The following SLC15A5 variants were observed in gnomAD, a reference collection of about 807,000 sequenced individuals.
The protein encoded by SLC15A5 is solute carrier family 15 member 5, also known as Peptide/histidine transporter ENSP00000340402.
Under a neutral mutation model 56.1 loss-of-function variants are expected in SLC15A5, and 58 were observed. The observed-to-expected ratio is 1.03, with a 90% CI of 0.84 to 1.29. The LOEUF (loss-of-function observed/expected upper bound fraction) is 1.29. Among genes scored for constraint, SLC15A5 ranks in the 50% most tolerant of loss-of-function variants. SLC15A5 has a pLI of 0.00. For synonymous variants in SLC15A5, 264 were observed against 250.5 expected, an observed-to-expected ratio of 1.05 and a Z score of -0.51; for missense variants, 681 against 672.1, an observed-to-expected ratio of 1.01 and a Z score of -0.15.
intron 7 of SLC15A5, among the ~76,000 whole-genome samples, chr12:16,210,998 C>T (rs1181392343): frequency 6.6e-6 from 1 of 152,176 alleles, no homozygotes; most frequent in Non-Finnish European, 1.5e-5. Flanking sequence ...GTTATTGGGG[C>T]CCTGCTGACT....
At chr12:16,265,912 G>A (rs1864690421) in intron 2 of SLC15A5, among the ~76,000 whole-genome samples, 1 of 152,064 alleles carries the variant, frequency 6.6e-6, no homozygotes, top group Admixed American at 6.6e-5. Flanking sequence ...ATCTCCATGA[G>A]ACCTAGCACA....
At chr12:16,202,167 A>C (rs1168945884) in intron 7 of SLC15A5, among the ~76,000 whole-genome samples, 1 of 152,182 alleles carries the variant, frequency 6.6e-6, no homozygotes, top group Admixed American at 6.5e-5. Context: ...GAGATAACCC[A>C]CAGATTGGGA....
chr12:16,260,236 T>C (rs971275116), intron 2 of SLC15A5, among the ~76,000 whole-genome samples: 1 of 152,138 alleles, frequency 6.6e-6, no homozygotes, highest in Non-Finnish European at 1.5e-5. Flanking sequence ...ACACCTCGGC[T>C]CTTACCCATC....
chr12:16,239,928 C>A, intron 4 of SLC15A5, 61 bp from the exon 5 acceptor site: 1 of 1,434,280 alleles, frequency 7.0e-7, no homozygotes, highest in Non-Finnish European at 9.3e-7. Context: ...AAGAAAGCAT[C>A]GTCCACCAGA....
At chr12:16,205,580 CATAT>C (rs754136034) in intron 7 of SLC15A5, among the ~76,000 whole-genome samples, 2 of 43,128 alleles carry the variant, frequency 4.6e-5, no homozygotes, top group Non-Finnish European at 8.1e-5. Flanking sequence ...GGGAAAGGTG[CATAT>C]ATATATACAT....
intron 1 of SLC15A5, among the ~76,000 whole-genome samples, chr12:16,275,886 A>G (rs149297284): frequency 6.6e-6 from 1 of 152,058 alleles, no homozygotes; most frequent in East Asian, 1.9e-4. Context: ...ATTTGCTTAA[A>G]TGTCTTCTTA....
rs1863820374 is a variant in SLC15A5, at chr12:16,189,566, C to T, written c.*102G>A. The T allele has an allele frequency of 1.0e-6, 1 of 981,134 alleles. No individual in the cohort carries two copies. The highest frequency in any genetic ancestry group is 1.4e-6 in the Non-Finnish European group (1 of 734,384). 60.8% of individuals were successfully genotyped at this position (981,134 alleles called of 1,614,324 possible). A position where few individuals can be genotyped will look rare whatever the true frequency, so the allele number is the denominator to read the frequency against. On this transcript the variant is annotated 3_prime_UTR_variant, in exon 9 of 9. Coordinates refer to ENST00000344941, the MANE Select transcript of SLC15A5 (RefSeq NM_001170798.1). ...ATACAGATGATATTTGTAAAATCAC[C>T]TCTGTATATATTGGCTTTTACACTA...
chr12:16,225,214 A>G (rs1864229192), intron 5 of SLC15A5, among the ~76,000 whole-genome samples: 1 of 152,218 alleles, frequency 6.6e-6, no homozygotes, highest in African/African-American at 2.4e-5. Context: ...TTATAGCAGC[A>G]TGATTTATAT....
chr12:16,266,521 A>G (rs1376449983), intron 2 of SLC15A5, among the ~76,000 whole-genome samples: 1 of 152,196 alleles, frequency 6.6e-6, no homozygotes, highest in Non-Finnish European at 1.5e-5. Flanking sequence ...ATTTTAACAA[A>G]TGCCACCCAA....
rs75214240 is a variant in SLC15A5 at position 16,218,528 on chromosome 12, C to G, written c.1352-1504G>C. Among the ~76,000 whole-genome samples the G allele has an allele frequency of 7.2e-5, 11 of 152,260 alleles. No individual in the cohort carries two copies. In the East Asian group the frequency reaches 2.1e-3, roughly 29 times the overall value. Reference sequence around the variant, plus strand: ...CTATATGGTCTAGCCTACTACACACCTAGGCTATATGGGTAGCCCATCACT... The same window carrying G: ...CTATATGGTCTAGCCTACTACACACGTAGGCTATATGGGTAGCCCATCACT... On this transcript the variant is annotated intron_variant, in intron 6 of 8. Transcript: ENST00000344941.
At chr12:16,201,351 G>A (rs185507280) in intron 7 of SLC15A5, among the ~76,000 whole-genome samples, 1 of 152,212 alleles carries the variant, frequency 6.6e-6, no homozygotes, top group East Asian at 1.9e-4. Flanking sequence ...ATACTACAAA[G>A]CTATAGTATC....
chr12:16,235,050 G>A lies in SLC15A5; in HGVS notation c.1162+4631C>T, dbSNP rs1471762984. ...TCCCAGGATAGGAAATTTGCTCAGT[G>A]TTAATATATCATTCAGTGTTCATGA... On this transcript the variant is annotated intron_variant, in intron 5 of 8. Transcript: ENST00000344941. The surrounding 1 kb of genome is among the most constrained non-coding windows in gnomAD (Gnocchi z 4.1). 6.6e-6 allele frequency among the ~76,000 whole-genome samples: 1 copy of A among 151,894 alleles called. No homozygotes were observed. The highest frequency in any genetic ancestry group is 6.6e-5 in the Admixed American group (1 of 15,232).
At chr12:16,244,543 T>C in intron 4 of SLC15A5, 37 bp downstream of exon 4, 1 of 1,509,920 alleles carries the variant, frequency 6.6e-7, no homozygotes, top group Non-Finnish European at 8.9e-7. Context: ...GCAATCACTT[T>C]CCTGTTGTTG....
intron 2 of SLC15A5, among the ~76,000 whole-genome samples, chr12:16,270,458 A>G (rs1250194580): frequency 6.6e-6 from 1 of 152,120 alleles, no homozygotes. Context: ...ACATTAATAA[A>G]CTGCTCCTTT....
intron 1 of SLC15A5, among the ~76,000 whole-genome samples, chr12:16,276,470 G>C (rs1014373140): frequency 6.6e-6 from 1 of 151,858 alleles, no homozygotes; most frequent in African/African-American, 2.4e-5. Context: ...CTTTTCACTT[G>C]TTCTCTCCTG....
rs912660979 is a variant in SLC15A5, at chr12:16,271,295, C to T, written c.584+1266G>A. On this transcript the variant is annotated intron_variant, in intron 2 of 8. Transcript: ENST00000344941. This position sits in a 1 kb window ranked among gnomAD's most constrained non-coding sequence, Gnocchi z 8.0. Reference sequence around the variant, plus strand: ...CCACAGTACAATAAATTCTCCAGAGCTATCTTTCAGAACAACTGATTGCTC... The same window carrying T: ...CCACAGTACAATAAATTCTCCAGAGTTATCTTTCAGAACAACTGATTGCTC... Among the ~76,000 whole-genome samples, 1 of 152,170 alleles carries T rather than the reference C, an allele frequency of 6.6e-6. No homozygotes were observed. The highest frequency in any genetic ancestry group is 1.5e-5 in the Non-Finnish European group (1 of 68,042).
chr12:16,205,710 T>G (rs992431146), intron 7 of SLC15A5, among the ~76,000 whole-genome samples: 1 of 151,414 alleles, frequency 6.6e-6, no homozygotes, highest in Non-Finnish European at 1.5e-5. Flanking sequence ...AATCAGAGCT[T>G]TATCAGATAC....
intron 7 of SLC15A5, among the ~76,000 whole-genome samples, chr12:16,204,736 G>A (rs1296518488): frequency 1.3e-5 from 2 of 151,888 alleles, no homozygotes; most frequent in East Asian, 1.9e-4. Context: ...GTATGGTTGT[G>A]AAATATTTAA....
intron 4 of SLC15A5, among the ~76,000 whole-genome samples, chr12:16,240,431 G>A (rs1671516): frequency 0.25 from 37,428 of 151,746 alleles, 5,116 homozygotes; most frequent in East Asian, 0.48. Flanking sequence ...TGTTTCCAAT[G>A]TGAACTAAGT....
Sources: gnomAD v4.1 joint callset for allele counts (sites outside exome capture counted in the v4.1 genomes callset) on GRCh38, gnomAD v4.1.1 for gene constraint, Gnocchi (gnomAD v3.1) non-coding constraint, MANE v1.5 for transcripts, NCBI Gene and HGNC (gene_info 2026-07-23, HGNC 2026-07-21) for gene names.